The following AGBL4 variants were observed in gnomAD, a reference collection of about 807,000 sequenced individuals.
AGBL4 encodes the protein AGBL carboxypeptidase 4.
AGBL4 carries 58 observed loss-of-function variants against 66.4 expected under a neutral mutation model. The ratio of observed to expected loss-of-function variants is 0.87; its 90% confidence interval spans 0.71 to 1.09. The LOEUF (loss-of-function observed/expected upper bound fraction) is 1.09. Among genes scored for constraint, AGBL4 ranks in the 50% least tolerant of loss-of-function variants. AGBL4 has a pLI of 0.00. For synonymous variants in AGBL4, 234 were observed against 222.9 expected, an observed-to-expected ratio of 1.05 and a Z score of -0.44; for missense variants, 579 against 631.0, an observed-to-expected ratio of 0.92 and a Z score of 0.88.
chr1:48,793,996 A>C (rs902577717), intron 6 of AGBL4, among the ~76,000 whole-genome samples: 5 of 152,112 alleles, frequency 3.3e-5, no homozygotes, highest in African/African-American at 1.2e-4. Flanking sequence ...CTGTTGGAGG[A>C]GGGGCCAATC....
chr1:48,852,790 G>A (rs1381536244), intron 6 of AGBL4, among the ~76,000 whole-genome samples: 1 of 152,142 alleles, frequency 6.6e-6, no homozygotes, highest in South Asian at 2.1e-4. Flanking sequence ...AAAAAGCGAG[G>A]CTAGGCAATC....
chr1:48,655,559 G>A (rs319993), intron 7 of AGBL4, among the ~76,000 whole-genome samples: 97,433 of 152,034 alleles, frequency 0.64, 31,517 homozygotes, highest in Middle Eastern at 0.72. Flanking sequence ...TATAGGGATA[G>A]TAATACCTAA....
chr1:48,528,421 A>G (rs1377681793), downstream of AGBL4, among the ~76,000 whole-genome samples: 1 of 152,150 alleles, frequency 6.6e-6, no homozygotes, highest in Non-Finnish European at 1.5e-5. Context: ...CTAAAAATAG[A>G]TCCCAGGTCT....
At chr1:49,608,984 T>C (rs1645107518) in intron 3 of AGBL4, among the ~76,000 whole-genome samples, 1 of 152,170 alleles carries the variant, frequency 6.6e-6, no homozygotes, top group African/African-American at 2.4e-5. Context: ...CAAGTTTAAT[T>C]TGCCCAAAGT....
At chr1:49,449,568 T>C (rs1646232737) in intron 3 of AGBL4, among the ~76,000 whole-genome samples, 1 of 151,860 alleles carries the variant, frequency 6.6e-6, no homozygotes, top group Non-Finnish European at 1.5e-5. Context: ...GAAGCAGCTG[T>C]ATTTTCTGAG....
At chr1:48,620,817 G>C (rs1304612196) in intron 9 of AGBL4, among the ~76,000 whole-genome samples, 1 of 152,088 alleles carries the variant, frequency 6.6e-6, no homozygotes, top group Non-Finnish European at 1.5e-5. Flanking sequence ...AGTGCTTAGT[G>C]GGTTTTTGTG....
intron 3 of AGBL4, among the ~76,000 whole-genome samples, chr1:49,667,836 A>C (rs1272340362): frequency 6.6e-6 from 1 of 152,234 alleles, no homozygotes; most frequent in African/African-American, 2.4e-5. Flanking sequence ...AGGAATGAAG[A>C]AAAGAACAGA....
At chr1:48,538,735 A>G (rs1190086735) in intron 12 of AGBL4, among the ~76,000 whole-genome samples, 1 of 152,222 alleles carries the variant, frequency 6.6e-6, no homozygotes, top group Non-Finnish European at 1.5e-5. Context: ...ACGGTGATTT[A>G]TATTGTTTTT....
intron 9 of AGBL4, among the ~76,000 whole-genome samples, chr1:48,597,789 G>A (rs977911858): frequency 6.8e-6 from 1 of 147,880 alleles, no homozygotes; most frequent in Non-Finnish European, 1.5e-5. Flanking sequence ...TGGAAGGAAG[G>A]AAGGGAAGAA....
intron 9 of AGBL4, among the ~76,000 whole-genome samples, chr1:48,601,967 A>G (rs1377472858): frequency 6.6e-6 from 1 of 152,246 alleles, no homozygotes; most frequent in East Asian, 1.9e-4. Flanking sequence ...GGACTGAGAT[A>G]CAATTTTTAA....
At chr1:49,915,220 C>T (rs1373787686) in intron 1 of AGBL4, among the ~76,000 whole-genome samples, 1 of 152,060 alleles carries the variant, frequency 6.6e-6, no homozygotes, top group Non-Finnish European at 1.5e-5. Context: ...CTCACTGGGG[C>T]ATGTTGGACA....
chr1:49,977,976 TAAGC>T (rs2148377682), intron 1 of AGBL4, among the ~76,000 whole-genome samples: 1 of 152,340 alleles, frequency 6.6e-6, no homozygotes, highest in East Asian at 1.9e-4. Flanking sequence ...TACATATCCT[TAAGC>T]AACTTTTGAG....
Position 49,255,915 on chromosome 1 carries a change from A to C in AGBL4, c.283-10051T>G, listed in dbSNP as rs904238410. Among the ~76,000 whole-genome samples the C allele has an allele frequency of 3.9e-5, 6 of 152,342 alleles. No homozygotes were observed. In the South Asian group the frequency reaches 8.3e-4, roughly 21 times the overall value. ...CTTAGCAAACTAAAGTAGGAACAGAAAACCAAATATTGCATGTTCTCACTT... is the reference window on the plus strand; with the variant it reads ...CTTAGCAAACTAAAGTAGGAACAGACAACCAAATATTGCATGTTCTCACTT... On this transcript the variant is annotated intron_variant, in intron 3 of 13. Coordinates refer to ENST00000371839, the MANE Select transcript of AGBL4 (RefSeq NM_032785.4).
At chr1:49,575,087 C>T (rs1382097732) in intron 3 of AGBL4, among the ~76,000 whole-genome samples, 2 of 152,124 alleles carry the variant, frequency 1.3e-5, no homozygotes, top group African/African-American at 4.8e-5. Context: ...CCCAAAGAGA[C>T]CACTGGCATT....
chr1:49,353,274 GCCCTT>G (rs1643948758), intron 3 of AGBL4, among the ~76,000 whole-genome samples: 1 of 152,084 alleles, frequency 6.6e-6, no homozygotes, highest in South Asian at 2.1e-4. Flanking sequence ...ATATCTAAAA[GCCCTT>G]ATATCTCTGG....
chr1:49,530,324 G>T (rs901530123), intron 3 of AGBL4, among the ~76,000 whole-genome samples: 5 of 137,788 alleles, frequency 3.6e-5, no homozygotes, highest in Admixed American at 2.3e-4. Context: ...ACGTTTGAGG[G>T]TACATGTGCA....
chr1:48,777,310 G>T (rs540726878), intron 6 of AGBL4, among the ~76,000 whole-genome samples: 1 of 152,040 alleles, frequency 6.6e-6, no homozygotes, highest in Non-Finnish European at 1.5e-5. Flanking sequence ...GTAGAGAAGT[G>T]TATGAGTGAG....
rs1408602640 is a variant in AGBL4 at position 49,245,758 on chromosome 1, T to C, written c.377+12A>G. The C allele has an allele frequency of 3.2e-6, 5 of 1,542,318 alleles. No homozygotes were observed. The highest frequency in any genetic ancestry group is 4.4e-6 in the Non-Finnish European group (5 of 1,139,016). ...CTAACCAGGAAGGGGTCCCATTCTGTAGATCACTTACCATTTTGGTCTGCT... is the reference window on the plus strand; with the variant it reads ...CTAACCAGGAAGGGGTCCCATTCTGCAGATCACTTACCATTTTGGTCTGCT... On this transcript the variant is annotated intron_variant, in intron 4 of 13. Transcript: ENST00000371839.
At chr1:49,022,418 G>T (rs920928260) in intron 5 of AGBL4, among the ~76,000 whole-genome samples, 48 of 152,066 alleles carry the variant, frequency 3.2e-4, no homozygotes, top group African/African-American at 1.1e-3. Flanking sequence ...TTTTAAAAGA[G>T]ATATAAATTA....
Sources: allele counts gnomAD v4.1 joint callset (sites outside exome capture counted in the v4.1 genomes callset), GRCh38; gene constraint gnomAD v4.1.1; transcripts MANE v1.5; gene names NCBI Gene and HGNC (gene_info 2026-07-23, HGNC 2026-07-21).